The following NFIA variants were observed in gnomAD, a reference collection of about 807,000 sequenced individuals.
NFIA encodes nuclear factor 1 A-type.
NFIA carries 8 observed loss-of-function variants against 62.8 expected under a neutral mutation model. The observed-to-expected ratio is 0.13, with a 90% CI of 0.07 to 0.23. The LOEUF (loss-of-function observed/expected upper bound fraction) is 0.23. Ranked by LOEUF, NFIA falls within the 10% of genes least tolerant of loss-of-function variation. NFIA has a pLI of 1.00. For missense variants in NFIA, 410 were observed against 642.1 expected (o/e 0.64, Z 3.91); for synonymous variants, 235 against 238.1 (o/e 0.99, Z 0.12).
chr1:61,454,910 C>A (rs1668232411), intron 10 of NFIA, among the ~76,000 whole-genome samples: 1 of 152,156 alleles, frequency 6.6e-6, no homozygotes, highest in Admixed American at 6.5e-5. Flanking sequence ...TTCAACTCTT[C>A]TTCATTAAGA....
At chr1:61,318,421 G>A (rs866624687) in intron 3 of NFIA, among the ~76,000 whole-genome samples, 1 of 152,134 alleles carries the variant, frequency 6.6e-6, no homozygotes, top group Non-Finnish European at 1.5e-5. Flanking sequence ...TCAGCCTTCT[G>A]GAACATTTAT....
At chr1:61,446,890 G>A (rs1326543519) in intron 10 of NFIA, among the ~76,000 whole-genome samples, 1 of 152,122 alleles carries the variant, frequency 6.6e-6, no homozygotes, top group Non-Finnish European at 1.5e-5. Flanking sequence ...ATTACAATGT[G>A]GCCACGCTCT....
intron 2 of NFIA, among the ~76,000 whole-genome samples, chr1:61,246,996 CTT>C (rs1269267997): frequency 6.6e-6 from 1 of 152,190 alleles, no homozygotes; most frequent in Non-Finnish European, 1.5e-5. Flanking sequence ...CTGTCAGTCT[CTT>C]AACCATTTTA....
intron 2 of NFIA, among the ~76,000 whole-genome samples, chr1:61,164,416 A>T (rs1649425668): frequency 6.6e-6 from 1 of 152,130 alleles, no homozygotes; most frequent in African/African-American, 2.4e-5. Context: ...GCTTGGGAAA[A>T]TGTCTCAAGC....
intron 3 of NFIA, among the ~76,000 whole-genome samples, chr1:61,323,885 T>C (rs1346737349): frequency 6.6e-6 from 1 of 152,108 alleles, no homozygotes; most frequent in Non-Finnish European, 1.5e-5. Context: ...TGTGAGATAA[T>C]GAGACCCAAC....
At chr1:61,138,315 C>G (rs1647254493) in intron 2 of NFIA, among the ~76,000 whole-genome samples, 1 of 152,074 alleles carries the variant, frequency 6.6e-6, no homozygotes, top group Admixed American at 6.6e-5. Context: ...AGGCTGGTTG[C>G]AAACCACCAG....
intron 1 of NFIA, among the ~76,000 whole-genome samples, chr1:61,084,802 A>T (rs1180049776): frequency 6.6e-6 from 1 of 152,152 alleles, no homozygotes; most frequent in Non-Finnish European, 1.5e-5. Flanking sequence ...TCAGGTATTT[A>T]ACAAAGTTGG....
chr1:61,083,109 A>T (rs1646146716), intron 1 of NFIA, among the ~76,000 whole-genome samples: 1 of 152,154 alleles, frequency 6.6e-6, no homozygotes, highest in Non-Finnish European at 1.5e-5. Flanking sequence ...GTTAATTAAT[A>T]TCGGGGCGAC....
chr1:61,224,943 C>G (rs1050081320), intron 2 of NFIA, among the ~76,000 whole-genome samples: 4 of 152,158 alleles, frequency 2.6e-5, no homozygotes, highest in African/African-American at 9.7e-5. Context: ...AAGGTCTCCA[C>G]TCCTTTCACC....
intron 2 of NFIA, among the ~76,000 whole-genome samples, chr1:61,143,989 A>G (rs1647735191): frequency 6.6e-6 from 1 of 152,244 alleles, no homozygotes; most frequent in African/African-American, 2.4e-5. Context: ...ACACAATTCT[A>G]ATAAATCCGG....
chr1:61,407,071 T>C (rs1297367287), intron 9 of NFIA, among the ~76,000 whole-genome samples: 1 of 152,216 alleles, frequency 6.6e-6, no homozygotes, highest in South Asian at 2.1e-4. Flanking sequence ...TTAGAAAAAG[T>C]TCCTCATTCT....
At chr1:61,256,038 G>A (rs150538927) in intron 2 of NFIA, among the ~76,000 whole-genome samples, 68 of 152,168 alleles carry the variant, frequency 4.5e-4, no homozygotes, top group East Asian at 2.7e-3. Flanking sequence ...GGCTTCCCTC[G>A]ACCACATTGG....
At chr1:61,225,553 C>CTTTTTTTT (rs71244590) in intron 2 of NFIA, among the ~76,000 whole-genome samples, 2 of 122,592 alleles carry the variant, frequency 1.6e-5, no homozygotes, top group Non-Finnish European at 3.4e-5. Flanking sequence ...CCAGCTCGTA[C>CTTTTTTTT]TTTTTTTTTT....
chr1:61,232,182 C>T (rs931736731), intron 2 of NFIA, among the ~76,000 whole-genome samples: 18 of 152,084 alleles, frequency 1.2e-4, no homozygotes, highest in African/African-American at 4.1e-4. Context: ...TTTACTTCTA[C>T]GTTTGTAGAA....
intron 2 of NFIA, among the ~76,000 whole-genome samples, chr1:61,203,358 T>C (rs1557634271): frequency 2.0e-5 from 3 of 152,142 alleles, no homozygotes; most frequent in Non-Finnish European, 4.4e-5. Flanking sequence ...TGCTCTAGTG[T>C]ACATGTCAAA....
intron 6 of NFIA, among the ~76,000 whole-genome samples, chr1:61,359,900 T>C (rs1569604543): frequency 6.6e-6 from 1 of 152,296 alleles, no homozygotes; most frequent in Non-Finnish European, 1.5e-5. Flanking sequence ...CAATTGTTTT[T>C]GTTTTTATAC....
intron 5 of NFIA, among the ~76,000 whole-genome samples, chr1:61,358,100 A>G (rs1663060123): frequency 6.8e-6 from 1 of 148,142 alleles, no homozygotes; most frequent in South Asian, 2.1e-4. Context: ...CTGATGGAAT[A>G]AAACTTTGTT....
chr1:61,425,700 A>T (rs889269130), intron 9 of NFIA, among the ~76,000 whole-genome samples: 3 of 152,232 alleles, frequency 2.0e-5, no homozygotes, highest in Non-Finnish European at 4.4e-5. Context: ...AGAAGCTCTT[A>T]AGTACAGATA....
At chr1:61,118,275 C>A (rs960361521) in intron 2 of NFIA, among the ~76,000 whole-genome samples, 1 of 151,826 alleles carries the variant, frequency 6.6e-6, no homozygotes, top group Non-Finnish European at 1.5e-5. Context: ...TCAGCATGAT[C>A]ACTTCTGGGA....
Sources: gnomAD v4.1 joint callset for allele counts (sites outside exome capture counted in the v4.1 genomes callset) on GRCh38, gnomAD v4.1.1 for gene constraint, MANE v1.5 for transcripts, NCBI Gene and HGNC (gene_info 2026-07-23, HGNC 2026-07-21) for gene names.